SLC35F4: variants seen among roughly 807,000 people sequenced by gnomAD.
SLC35F4 encodes the protein chromosome 14 open reading frame 36.
A neutral mutation model predicts 44.2 loss-of-function variants in SLC35F4; 24 were observed. The observed-to-expected ratio is 0.54, with a 90% CI of 0.39 to 0.76. SLC35F4 has a LOEUF of 0.76. SLC35F4 is among the 30% of genes least tolerant of loss of function. The pLI is 0.00. For synonymous variants in SLC35F4, 238 were observed against 223.6 expected, an observed-to-expected ratio of 1.06 and a Z score of -0.57; for missense variants, 562 against 586.1, an observed-to-expected ratio of 0.96 and a Z score of 0.42.
At chr14:57,819,864 C>G (rs1479091860) in intron 1 of SLC35F4, among the ~76,000 whole-genome samples, 1 of 150,822 alleles carries the variant, frequency 6.6e-6, no homozygotes, top group Non-Finnish European at 1.5e-5. Context: ...CTACTAAATA[C>G]CAAGGCTTCT....
intron 1 of SLC35F4, among the ~76,000 whole-genome samples, chr14:57,610,159 G>C (rs1047007305): frequency 6.6e-6 from 1 of 152,148 alleles, no homozygotes; most frequent in Non-Finnish European, 1.5e-5. Flanking sequence ...AGACCTTATG[G>C]ACTACAAAGA....
At chr14:57,882,638 C>T (rs1888559961) in intron 1 of SLC35F4, among the ~76,000 whole-genome samples, 1 of 152,094 alleles carries the variant, frequency 6.6e-6, no homozygotes. Flanking sequence ...AAACAAATTA[C>T]CTCTCTCCAC....
chr14:57,829,942 A>C (rs1434504505), intron 1 of SLC35F4, among the ~76,000 whole-genome samples: 1 of 152,246 alleles, frequency 6.6e-6, no homozygotes, highest in African/African-American at 2.4e-5. Context: ...GAAAAAACAC[A>C]GCAGGAAGAA....
At chr14:57,783,264 A>AT (rs34915011) in intron 1 of SLC35F4, among the ~76,000 whole-genome samples, 19,880 of 152,012 alleles carry the variant, frequency 0.13, 3,013 homozygotes, top group African/African-American at 0.37. Flanking sequence ...TGGTTTAACA[A>AT]TTTTTTAAAA....
chr14:57,783,399 GA>G (rs60452770), intron 1 of SLC35F4, among the ~76,000 whole-genome samples: 7 of 150,526 alleles, frequency 4.7e-5, no homozygotes, highest in Admixed American at 3.3e-4. Context: ...TCCTATTCTG[GA>G]AAAAAAAATG....
At chr14:57,965,523 T>C (rs563317068) in intron 1 of SLC35F4, among the ~76,000 whole-genome samples, 3 of 152,288 alleles carry the variant, frequency 2.0e-5, no homozygotes, top group African/African-American at 7.2e-5. Flanking sequence ...GACAAGGACT[T>C]CTTTGGGGAG....
chr14:57,767,470 G>C (rs1045539811), intron 1 of SLC35F4, among the ~76,000 whole-genome samples: 2 of 152,002 alleles, frequency 1.3e-5, no homozygotes, highest in African/African-American at 2.4e-5. Context: ...AGACAGTCTC[G>C]AAGAAACTTT....
At chr14:57,709,163 C>G (rs1284152238) in intron 1 of SLC35F4, among the ~76,000 whole-genome samples, 2 of 152,022 alleles carry the variant, frequency 1.3e-5, no homozygotes, top group African/African-American at 4.8e-5. Flanking sequence ...TCTCTAGACT[C>G]CCCCAGGGAA....
chr14:57,735,466 G>C lies in SLC35F4; in HGVS notation c.103+130257C>G, dbSNP rs543715709. 6.6e-5 allele frequency among the ~76,000 whole-genome samples: 10 copies of C among 152,282 alleles called. No homozygotes were observed. The South Asian group carries it at 1.9e-3, about 28-fold the overall frequency. ...GAGTTGGCAGGGCCAGAAGGTTCCA[G>C]ATGGCCTTCCTGATGTCTAGCAGTT... is the stretch of plus-strand genomic sequence containing the variant. On this transcript the variant is annotated intron_variant, in intron 1 of 7. Transcript: ENST00000556826.
chr14:57,791,384 C>T (rs2077915092), intron 1 of SLC35F4, among the ~76,000 whole-genome samples: 1 of 152,212 alleles, frequency 6.6e-6, no homozygotes, highest in Non-Finnish European at 1.5e-5. Flanking sequence ...AAAGAAAACT[C>T]ATCATCACTG....
intron 1 of SLC35F4, among the ~76,000 whole-genome samples, chr14:57,911,642 C>T (rs940788395): frequency 2.6e-5 from 4 of 151,958 alleles, no homozygotes; most frequent in South Asian, 2.1e-4. Context: ...AATCCCACAT[C>T]GTCATAGCGT....
intron 1 of SLC35F4, chr14:57,630,937 A>C: frequency 5.3e-5 from 37 of 698,826 alleles, no homozygotes; most frequent in Middle Eastern, 7.3e-4. Flanking sequence ...AAAGATTCTC[A>C]TTTTTATGCT....
At chr14:57,665,021 G>C (rs572563927) in intron 1 of SLC35F4, among the ~76,000 whole-genome samples, 2 of 152,220 alleles carry the variant, frequency 1.3e-5, no homozygotes, top group African/African-American at 4.8e-5. Flanking sequence ...TTAACAACAT[G>C]CTTCCACTTC....
rs1343230613 is a variant in SLC35F4 at position 57,594,030 on chromosome 14, G to A, written c.198C>T (p.Val66=). ...GAATAGGAGCAGAGGAATCTTCGGT[G>A]ACAGACAGTGGGGACAGTTGTCTAC... ...GISRQLSPLS[V]TEDSSAPILE... is the part of the protein sequence containing the mutation. The change falls in exon 2 of 8, where the codon GTC becomes GTT. Residue 66 remains valine, a synonymous_variant. Coordinates refer to ENST00000556826, the MANE Select transcript of SLC35F4 (RefSeq NM_001306087.2). 2 of 1,613,808 alleles carry A rather than the reference G, an allele frequency of 1.2e-6. No individual in the cohort carries two copies. The highest frequency in any genetic ancestry group is 1.7e-6 in the Non-Finnish European group (2 of 1,179,864).
At chr14:57,752,500 C>T (rs1380659274) in intron 1 of SLC35F4, among the ~76,000 whole-genome samples, 1 of 150,274 alleles carries the variant, frequency 6.7e-6, no homozygotes, top group East Asian at 2.0e-4. Context: ...CTTGCTCTGT[C>T]GCCAGGCCGG....
intron 1 of SLC35F4, among the ~76,000 whole-genome samples, chr14:57,962,370 C>A (rs550667667): frequency 6.6e-6 from 1 of 152,156 alleles, no homozygotes; most frequent in South Asian, 2.1e-4. Flanking sequence ...ACTAGCTGCT[C>A]CCGGGATCTA....
chr14:57,768,508 T>C (rs559062368), intron 1 of SLC35F4, among the ~76,000 whole-genome samples: 4 of 152,354 alleles, frequency 2.6e-5, no homozygotes, highest in East Asian at 3.9e-4. Context: ...TAATCTCTTA[T>C]CTTTGATCAG....
intron 1 of SLC35F4, among the ~76,000 whole-genome samples, chr14:57,943,746 T>A (rs1303135600): frequency 6.6e-6 from 1 of 152,224 alleles, no homozygotes; most frequent in Non-Finnish European, 1.5e-5. Flanking sequence ...TAACCGCCAG[T>A]GCTGGTTCTA....
At chr14:57,728,588 A>C (rs2076269976) in intron 1 of SLC35F4, among the ~76,000 whole-genome samples, 1 of 151,240 alleles carries the variant, frequency 6.6e-6, no homozygotes, top group Admixed American at 6.6e-5. Context: ...AGCTGGAATT[A>C]CAGGGGTAAT....
Sources: allele counts gnomAD v4.1 joint callset (sites outside exome capture counted in the v4.1 genomes callset), GRCh38; gene constraint gnomAD v4.1.1; transcripts MANE v1.5; gene names NCBI Gene and HGNC (gene_info 2026-07-23, HGNC 2026-07-21).